CNTLN: variants seen among roughly 807,000 people sequenced by gnomAD.
CNTLN encodes centlein, centrosomal protein.
A neutral mutation model predicts 180.0 loss-of-function variants in CNTLN; 212 were observed. That is an observed-to-expected ratio of 1.18 (90% CI 1.05 to 1.32). The LOEUF (loss-of-function observed/expected upper bound fraction) is 1.32, where lower values mean the gene tolerates loss of function less well. CNTLN is among the 40% of genes most tolerant of loss of function. The pLI is 0.00. For missense variants in CNTLN, 2,095 were observed against 1,610.9 expected, an observed-to-expected ratio of 1.30 and a Z score of -5.14; for synonymous variants, 722 against 563.1, an observed-to-expected ratio of 1.28 and a Z score of -3.99.
intron 5 of CNTLN, among the ~76,000 whole-genome samples, chr9:17,241,067 C>A (rs921445662): frequency 1.1e-4 from 17 of 152,100 alleles, no homozygotes; most frequent in African/African-American, 4.1e-4. Context: ...ATCGTGTTAG[C>A]CAGGATGGTC....
At chr9:17,231,853 A>G (rs888012608) in intron 3 of CNTLN, among the ~76,000 whole-genome samples, 1 of 142,238 alleles carries the variant, frequency 7.0e-6, no homozygotes, top group Non-Finnish European at 1.5e-5. Context: ...CATACTCACT[A>G]TTATTCTCTT....
intron 2 of CNTLN, among the ~76,000 whole-genome samples, chr9:17,175,404 T>A (rs1820660032): frequency 1.3e-5 from 2 of 152,216 alleles, no homozygotes. Context: ...AAAAGTATCG[T>A]CCTCTTCCCA....
At chr9:17,506,866 T>A (rs1833941555), downstream of CNTLN, among the ~76,000 whole-genome samples, 3 of 152,154 alleles carry the variant, frequency 2.0e-5, no homozygotes, top group African/African-American at 7.2e-5. Context: ...TACATAATTT[T>A]ACATACGTAT....
At chr9:17,487,914 A>G (rs1373822646) in intron 25 of CNTLN, among the ~76,000 whole-genome samples, 1 of 152,154 alleles carries the variant, frequency 6.6e-6, no homozygotes, top group Non-Finnish European at 1.5e-5. Flanking sequence ...CATGTAATGT[A>G]TTCTAAAACT....
intron 10 of CNTLN, among the ~76,000 whole-genome samples, chr9:17,339,202 G>A (rs542299504): frequency 1.9e-4 from 29 of 152,244 alleles, no homozygotes; most frequent in African/African-American, 5.1e-4. Flanking sequence ...TATCCTAGTA[G>A]AAATATAGTG....
At chr9:17,206,106 T>G (rs1303818711) in intron 2 of CNTLN, among the ~76,000 whole-genome samples, 3 of 152,142 alleles carry the variant, frequency 2.0e-5, no homozygotes, top group Admixed American at 6.5e-5. Context: ...TGCCTCAAGT[T>G]GCTAGAGGCT....
At position 17,404,361 on chromosome 9, in the gene CNTLN, T is replaced by G. The variant is rs1160547131; in HGVS notation, c.2616-4932T>G. Among the ~76,000 whole-genome samples the G allele has an allele frequency of 2.6e-5, 4 of 151,618 alleles. 1 individual carries two copies. Among genetic ancestry groups the G allele is most frequent in the African/African-American group, 7.3e-5 (3 of 40,986 alleles). On this transcript the variant is annotated intron_variant, in intron 15 of 25. Transcript: ENST00000380647. ...TAACCAAGTAACCCACTGGAGGAGT[T>G]TTTGCTTCTCATTAGTATGATCTTG...
chr9:17,527,817 G>A, the CNTLN span, among the ~76,000 whole-genome samples: 2 of 152,092 alleles, frequency 1.3e-5, no homozygotes. Flanking sequence ...AGTGCCAGAA[G>A]GTAAGACAGT....
intron 2 of CNTLN, among the ~76,000 whole-genome samples, chr9:17,162,442 G>A (rs1019560303): frequency 6.6e-6 from 1 of 152,100 alleles, no homozygotes; most frequent in Non-Finnish European, 1.5e-5. Flanking sequence ...TGGCCAACTA[G>A]TAACAACCAA....
intron 5 of CNTLN, among the ~76,000 whole-genome samples, chr9:17,272,220 G>C (rs1001992843): frequency 2.0e-5 from 3 of 151,772 alleles, no homozygotes; most frequent in Admixed American, 6.6e-5. Flanking sequence ...GGGACTACAG[G>C]TGCGTGCCAC....
chr9:17,359,906 A>AT (rs1443029921), intron 12 of CNTLN, among the ~76,000 whole-genome samples: 14 of 150,890 alleles, frequency 9.3e-5, no homozygotes, highest in Non-Finnish European at 1.5e-4. Context: ...TCAAAAAAAA[A>AT]AATAATAATA....
intron 18 of CNTLN, among the ~76,000 whole-genome samples, chr9:17,443,227 T>C (rs1485910532): frequency 1.3e-5 from 2 of 152,152 alleles, no homozygotes; most frequent in Non-Finnish European, 2.9e-5. Context: ...AACAAAACCA[T>C]CATTAGTTCC....
At chr9:17,426,053 A>C (rs1829062917) in intron 18 of CNTLN, among the ~76,000 whole-genome samples, 1 of 152,202 alleles carries the variant, frequency 6.6e-6, no homozygotes, top group African/African-American at 2.4e-5. Flanking sequence ...TGTGAATGTG[A>C]ACCAGGGACC....
At chr9:17,199,585 A>C (rs1822383948) in intron 2 of CNTLN, among the ~76,000 whole-genome samples, 1 of 152,052 alleles carries the variant, frequency 6.6e-6, no homozygotes, top group Admixed American at 6.6e-5. Context: ...GCATTTCTCT[A>C]ATGACCAGAG....
At chr9:17,345,647 A>G (rs546788490) in intron 12 of CNTLN, among the ~76,000 whole-genome samples, 75 of 151,950 alleles carry the variant, frequency 4.9e-4, no homozygotes, top group South Asian at 4.2e-3. Flanking sequence ...CCTTGTTTTC[A>G]TTTACATACC....
chr9:17,461,226 A>G (rs531496774), intron 19 of CNTLN, among the ~76,000 whole-genome samples: 1 of 151,712 alleles, frequency 6.6e-6, no homozygotes, highest in South Asian at 2.1e-4. Context: ...TAGCATAATC[A>G]TGGGTGTCCG....
intron 5 of CNTLN, among the ~76,000 whole-genome samples, chr9:17,255,152 C>A (rs1214985475): frequency 6.6e-6 from 1 of 151,680 alleles, no homozygotes; most frequent in African/African-American, 2.4e-5. Context: ...TTTACTTCTG[C>A]CTTTTTGATT....
At chr9:17,420,464 A>C (rs756378700) in intron 18 of CNTLN, among the ~76,000 whole-genome samples, 5 of 151,876 alleles carry the variant, frequency 3.3e-5, no homozygotes, top group Non-Finnish European at 7.4e-5. Flanking sequence ...GGTCTGGTTA[A>C]AGGTTTGTAT....
intron 3 of CNTLN, among the ~76,000 whole-genome samples, chr9:17,231,120 T>A (rs1824786506): frequency 1.3e-5 from 2 of 152,130 alleles, no homozygotes; most frequent in Non-Finnish European, 2.9e-5. Context: ...GCGTTTTTTC[T>A]TATTGTGTAA....
Sources: allele counts gnomAD v4.1 joint callset (sites outside exome capture counted in the v4.1 genomes callset), GRCh38; gene constraint gnomAD v4.1.1; transcripts MANE v1.5; gene names NCBI Gene and HGNC (gene_info 2026-07-23, HGNC 2026-07-21).